The following FSHR variants were observed in gnomAD, a reference collection of about 807,000 sequenced individuals.
FSHR encodes the protein follicle stimulating hormone receptor.
FSHR carries 46 observed loss-of-function variants against 52.1 expected under a neutral mutation model. That is an observed-to-expected ratio of 0.88 (90% CI 0.70 to 1.13). The LOEUF (loss-of-function observed/expected upper bound fraction) is 1.13, where lower values mean the gene tolerates loss of function less well. Ranked by LOEUF, FSHR falls within the 50% of genes most tolerant of loss-of-function variation. The pLI, the probability that FSHR is intolerant of heterozygous loss-of-function variation, is 0.00. For missense variants in FSHR, 964 were observed against 834.6 expected (o/e 1.16, Z -1.91); for synonymous variants, 399 against 309.6 (o/e 1.29, Z -3.03).
chr2:49,004,342 C>G (rs891735209), intron 4 of FSHR, among the ~76,000 whole-genome samples: 15 of 152,310 alleles, frequency 9.8e-5, no homozygotes, highest in Non-Finnish European at 1.6e-4. Flanking sequence ...TTAAGCTTCT[C>G]ACTGCTTCTG....
intron 1 of FSHR, among the ~76,000 whole-genome samples, chr2:49,077,946 T>A (rs1013879156): frequency 1.3e-5 from 2 of 152,180 alleles, no homozygotes; most frequent in African/African-American, 4.8e-5. Context: ...CAACAAGTCT[T>A]TAGGAAGTTC....
intron 1 of FSHR, among the ~76,000 whole-genome samples, chr2:49,100,159 A>G (rs772660454): frequency 6.6e-6 from 1 of 152,178 alleles, no homozygotes; most frequent in Non-Finnish European, 1.5e-5. Flanking sequence ...AGGAGGCCTA[A>G]GCACAGAGCA....
At chr2:49,062,434 A>C (rs903457237) in intron 2 of FSHR, among the ~76,000 whole-genome samples, 3 of 152,196 alleles carry the variant, frequency 2.0e-5, no homozygotes, top group African/African-American at 2.4e-5. Flanking sequence ...TAAAGACTAA[A>C]ATGTAAGATC....
intron 1 of FSHR, among the ~76,000 whole-genome samples, chr2:49,151,530 T>C (rs191224302): frequency 4.1e-4 from 63 of 152,186 alleles, no homozygotes; most frequent in Non-Finnish European, 4.1e-4. Flanking sequence ...GGCAGATGTA[T>C]CAAATGAAAT....
chr2:49,094,508 T>G (rs1039613878), intron 1 of FSHR, among the ~76,000 whole-genome samples: 2 of 152,186 alleles, frequency 1.3e-5, no homozygotes, highest in Non-Finnish European at 2.9e-5. Flanking sequence ...ATTATTAGTT[T>G]TCATTATTTT....
rs183219033 is a variant in FSHR, at chr2:49,055,162, G to T, written c.224+13057C>A. Among the ~76,000 whole-genome samples the T allele has an allele frequency of 4.7e-3, 708 of 152,006 alleles. 2 individuals carry two copies. Among genetic ancestry groups the T allele is most frequent in the Non-Finnish European group, 7.8e-3 (529 of 67,970 alleles). On this transcript the variant is annotated intron_variant, in intron 2 of 9. Transcript: ENST00000406846. ...CAGGAAAACAACTCATAACTTGAGT[G>T]AGAAAAGTGGCAAAGAGATATCACA...
rs746917603 is a variant in FSHR at position 48,963,252 on chromosome 2, G to A, written c.1569C>T (p.Asp523=). The change falls in exon 10 of 10, where the codon GAC becomes GAT. Residue 523 remains aspartate (D), a synonymous_variant. Coordinates refer to ENST00000406846, the MANE Select transcript of FSHR (RefSeq NM_000145.4). The part of the protein sequence containing the change: ...KVSICLPMDI[D]SPLSQLYVMS... Reference sequence around the variant, plus strand: ...TGACATACAGCTGTGACAAAGGGCTGTCAATATCCATGGGCAGGCAGATGC... The same window carrying A: ...TGACATACAGCTGTGACAAAGGGCTATCAATATCCATGGGCAGGCAGATGC... The A allele has an allele frequency of 1.2e-5, 19 of 1,614,038 alleles. No homozygotes were observed. In the South Asian group the frequency reaches 1.8e-4, roughly 15 times the overall value.
intron 1 of FSHR, among the ~76,000 whole-genome samples, chr2:49,122,562 A>C (rs554651049): frequency 1.3e-5 from 2 of 152,214 alleles, no homozygotes; most frequent in East Asian, 3.9e-4. Flanking sequence ...TGTATACCTC[A>C]TGACTAACCA....
chr2:49,050,118 G>T (rs1236076776), intron 2 of FSHR, among the ~76,000 whole-genome samples: 1 of 152,128 alleles, frequency 6.6e-6, no homozygotes, highest in Non-Finnish European at 1.5e-5. Flanking sequence ...TATTTATGGA[G>T]AATAGGAAAT....
Position 49,100,890 on chromosome 2 carries a change from G to A in FSHR, c.153-32600C>T, listed in dbSNP as rs1671002815. Reference sequence around the variant, plus strand: ...GGGACCAGGGAAGAAAACCAGGGAAGGAGATTGAGAAAGAATGATCAGGGA... The same window carrying A: ...GGGACCAGGGAAGAAAACCAGGGAAAGAGATTGAGAAAGAATGATCAGGGA... On this transcript the variant is annotated intron_variant, in intron 1 of 9. Transcript: ENST00000406846. 2.0e-5 allele frequency among the ~76,000 whole-genome samples: 3 copies of A among 152,170 alleles called. No individual in the cohort carries two copies. In the South Asian group the frequency reaches 6.2e-4, roughly 31 times the overall value.
intron 1 of FSHR, among the ~76,000 whole-genome samples, chr2:49,102,902 C>T (rs1671086337): frequency 6.6e-6 from 1 of 152,002 alleles, no homozygotes; most frequent in African/African-American, 2.4e-5. Flanking sequence ...GGAAAGGCAT[C>T]CTTGAAATCG....
intron 1 of FSHR, among the ~76,000 whole-genome samples, chr2:49,149,675 C>G (rs1015877151): frequency 1.2e-4 from 19 of 152,088 alleles, no homozygotes; most frequent in Admixed American, 8.5e-4. Context: ...ACCTATTAAA[C>G]AAAGACTAAC....
chr2:49,087,958 C>A (rs1434311791), intron 1 of FSHR, among the ~76,000 whole-genome samples: 1 of 152,154 alleles, frequency 6.6e-6, no homozygotes, highest in Non-Finnish European at 1.5e-5. Context: ...TGGCATTTAG[C>A]ACTAGCTGTA....
intron 1 of FSHR, among the ~76,000 whole-genome samples, chr2:49,133,211 G>A (rs1672357827): frequency 6.6e-6 from 1 of 152,148 alleles, no homozygotes; most frequent in African/African-American, 2.4e-5. Flanking sequence ...CTGTGCAACA[G>A]CATTTAACAG....
chr2:49,087,020 A>AGCCAGC (rs1670419856), intron 1 of FSHR, among the ~76,000 whole-genome samples: 1 of 143,618 alleles, frequency 7.0e-6, no homozygotes, highest in Non-Finnish European at 1.5e-5. Flanking sequence ...TAGCATAAAG[A>AGCCAGC]GCCAGCAGCA....
intron 2 of FSHR, among the ~76,000 whole-genome samples, chr2:49,046,768 G>A (rs1014310518): frequency 6.6e-6 from 1 of 152,126 alleles, no homozygotes; most frequent in Non-Finnish European, 1.5e-5. Context: ...TTGATTGGTG[G>A]ACGGATTATG....
intron 1 of FSHR, among the ~76,000 whole-genome samples, chr2:49,118,750 G>A (rs554777195): frequency 1.1e-4 from 17 of 152,178 alleles, no homozygotes; most frequent in East Asian, 1.9e-4. Flanking sequence ...CACCATATCC[G>A]TTCCAGGAAC....
intron 1 of FSHR, among the ~76,000 whole-genome samples, chr2:49,123,022 C>T (rs1472499774): frequency 1.3e-5 from 2 of 152,088 alleles, no homozygotes; most frequent in East Asian, 3.9e-4. Context: ...TTCCTTTATC[C>T]TTCCTCGCCT....
chr2:49,001,874 A>G (rs1236190062), intron 4 of FSHR, among the ~76,000 whole-genome samples: 1 of 152,078 alleles, frequency 6.6e-6, no homozygotes, highest in Non-Finnish European at 1.5e-5. Flanking sequence ...CAACTATGTA[A>G]TCTCTGAGTT....
Sources: gnomAD v4.1 joint callset for allele counts (sites outside exome capture counted in the v4.1 genomes callset) on GRCh38, gnomAD v4.1.1 for gene constraint, MANE v1.5 for transcripts, NCBI Gene and HGNC (gene_info 2026-07-23, HGNC 2026-07-21) for gene names.